Variants in TPMT observed in about 807,000 individuals in gnomAD.
TPMT encodes thiopurine S-methyltransferase, also known as S-adenosyl-L-methionine:thiopurine S-methyltransferase.
In TPMT, 18 loss-of-function variants were observed where a neutral mutation model predicts 34.2. The observed-to-expected ratio is 0.53, with a 90% CI of 0.36 to 0.78. TPMT has a LOEUF of 0.78. Ranked by LOEUF, TPMT falls within the 30% of genes least tolerant of loss-of-function variation. The probability of loss-of-function intolerance (pLI) is 0.00; values close to 1 mark genes in which losing one functional copy is unlikely to be tolerated. For missense variants in TPMT, 265 were observed against 288.1 expected (o/e 0.92, Z 0.58); for synonymous variants, 69 against 92.4 (o/e 0.75, Z 1.45).
rs1784046630 is a variant in TPMT at position 18,136,671 on chromosome 6, G to C, written c.494+2292C>G. 6.6e-6 allele frequency among the ~76,000 whole-genome samples: 1 copy of C among 152,178 alleles called. No individual in the cohort carries two copies. Among genetic ancestry groups the C allele is most frequent in the South Asian group, 2.1e-4 (1 of 4,838 alleles). On this transcript the variant is annotated intron_variant, in intron 6 of 8. Transcript: ENST00000309983. The surrounding 1 kb of genome is among the most constrained non-coding windows in gnomAD (Gnocchi z 4.7). ...AAAAATACAAAAAAATTAGCCGGGT[G>C]TGGTGGAGCATGCCTATAATCCCAG...
At chr6:18,137,822 G>A (rs950420437) in intron 6 of TPMT, among the ~76,000 whole-genome samples, 1 of 152,188 alleles carries the variant, frequency 6.6e-6, no homozygotes, top group Non-Finnish European at 1.5e-5. Flanking sequence ...GGTCGCTCTT[G>A]TCGTCCAGGC....
Position 18,139,011 on chromosome 6 carries a change from A to G in TPMT, c.446T>C (p.Ile149Thr), listed in dbSNP as rs1310627040. The G allele has an allele frequency of 5.0e-6, 8 of 1,613,722 alleles. No homozygotes were observed. The Admixed American group carries it at 1.0e-4, about 20-fold the overall frequency. The change falls in exon 6 of 9, where the codon ATT (isoleucine) becomes ACT (threonine). Residue 149 changes from isoleucine (I) to threonine (T), a missense_variant. Coordinates refer to ENST00000309983, the MANE Select transcript of TPMT (RefSeq NM_000367.5). This position sits in a 1 kb window ranked among gnomAD's most constrained non-coding sequence, Gnocchi z 4.2. ...GGCAACTAATGCTCCTCTATCCCAA[A>G]TCATGTCAAATTTGCCAATATTTGT... The part of the protein sequence containing the change: ...PRTNIGKFDM[I>T]WDRGALVAIN...
Position 18,139,802 on chromosome 6 carries a change from A to C in TPMT, c.367-85T>G, listed in dbSNP as rs1784110586. 1.2e-6 allele frequency: 1 copy of C among 854,074 alleles called. No homozygotes were observed. Among genetic ancestry groups the C allele is most frequent in the Non-Finnish European group, 1.9e-6 (1 of 528,496 alleles). 52.9% of individuals were successfully genotyped at this position (854,074 alleles called of 1,614,324 possible). ...CAAGGAAAGAGGGCCAAGCAAAGCA[A>C]AAGTTCTAGGGAAAGAATGTGTTAA... is the stretch of plus-strand genomic sequence containing the variant. On this transcript the variant is annotated intron_variant, in intron 4 of 8. Coordinates refer to ENST00000309983, the MANE Select transcript of TPMT (RefSeq NM_000367.5). The surrounding 1 kb of genome is among the most constrained non-coding windows in gnomAD (Gnocchi z 4.2).
rs966632988 is a variant in TPMT at position 18,131,750 on chromosome 6, C to G, written c.625+383G>C. 2.0e-5 allele frequency among the ~76,000 whole-genome samples: 3 copies of G among 151,954 alleles called. No individual in the cohort carries two copies. Among genetic ancestry groups the G allele is most frequent in the Non-Finnish European group, 4.4e-5 (3 of 67,980 alleles). ...TTATCTTTTAAATTTTATAGACATA[C>G]TCTAGATACTAATATACTAATAGTT... On this transcript the variant is annotated intron_variant, in intron 8 of 8. Transcript: ENST00000309983. This position sits in a 1 kb window ranked among gnomAD's most constrained non-coding sequence, Gnocchi z 4.3.
rs1784174116 is a variant in TPMT, at chr6:18,143,047, C to T, written c.366+549G>A. The stretch of plus-strand genomic sequence containing the variant: ...ATGGGTGATTTAAGTAGTATCTTCC[C>T]GAGGTGTCCAAGACCATGGACCCAG... On this transcript the variant is annotated intron_variant, in intron 4 of 8. Coordinates refer to ENST00000309983, the MANE Select transcript of TPMT (RefSeq NM_000367.5). This position sits in a 1 kb window ranked among gnomAD's most constrained non-coding sequence, Gnocchi z 6.1. Among the ~76,000 whole-genome samples the T allele has an allele frequency of 6.6e-6, 1 of 152,214 alleles. No homozygotes were observed. Among genetic ancestry groups the T allele is most frequent in the East Asian group, 1.9e-4 (1 of 5,160 alleles).
rs1783963329 is a variant in TPMT, at chr6:18,132,388, C to T, written c.581-211G>A. Among the ~76,000 whole-genome samples the T allele has an allele frequency of 6.6e-6, 1 of 152,176 alleles. No homozygotes were observed. The highest frequency in any genetic ancestry group is 2.4e-5 in the African/African-American group (1 of 41,440). On this transcript the variant is annotated intron_variant, in intron 7 of 8. Coordinates refer to ENST00000309983, the MANE Select transcript of TPMT (RefSeq NM_000367.5). This position sits in a 1 kb window ranked among gnomAD's most constrained non-coding sequence, Gnocchi z 4.8. ...TCCATCTTTAGCTTAGATGAGACAG[C>T]TAAACCGGTCAAGGGACTTAGGCTC... is the stretch of plus-strand genomic sequence containing the variant.
Position 18,140,607 on chromosome 6 carries a change from C to T in TPMT, c.367-890G>A, listed in dbSNP as rs1329341611. On this transcript the variant is annotated intron_variant, in intron 4 of 8. Transcript: ENST00000309983. The surrounding 1 kb of genome is among the most constrained non-coding windows in gnomAD (Gnocchi z 4.7). ...GCTGACATGCGAGGGTCACTTGAGC[C>T]TGGGAGGTCAAGGCTGCAGTGAGCT... is the stretch of plus-strand genomic sequence containing the variant. 6.6e-6 allele frequency among the ~76,000 whole-genome samples: 1 copy of T among 152,170 alleles called. No homozygotes were observed. The highest frequency in any genetic ancestry group is 1.5e-5 in the Non-Finnish European group (1 of 68,036).
In TPMT at chr6:18,153,024, C is replaced by A. The variant is rs536538858; in HGVS notation, c.-45+2009G>T. On this transcript the variant is annotated intron_variant, in intron 1 of 8. Transcript: ENST00000309983. The surrounding 1 kb of genome is among the most constrained non-coding windows in gnomAD (Gnocchi z 4.2). ...TGTGGTAACACCGCCATTTTTTGTGCATGGTACCCATGAAGCTCAATTACT... is the reference window on the plus strand; with the variant it reads ...TGTGGTAACACCGCCATTTTTTGTGAATGGTACCCATGAAGCTCAATTACT... Among the ~76,000 whole-genome samples the A allele has an allele frequency of 1.3e-5, 2 of 152,196 alleles. No homozygotes were observed. The highest frequency in any genetic ancestry group is 2.9e-5 in the Non-Finnish European group (2 of 68,042).
rs538838775 is a variant in TPMT at position 18,130,878 on chromosome 6, C to T, written c.626-98G>A. On this transcript the variant is annotated intron_variant, in intron 8 of 8. Transcript: ENST00000309983. This position sits in a 1 kb window ranked among gnomAD's most constrained non-coding sequence, Gnocchi z 4.2. ...AATTGGCTGGGTGCGGTGGCTCACA[C>T]CTGTAATCCCAACACTTTGGGAGGC... 33 of 933,706 alleles carry T rather than the reference C, an allele frequency of 3.5e-5. No homozygotes were observed. The highest frequency in any genetic ancestry group is 5.1e-5 in the Non-Finnish European group (30 of 585,634). 57.8% of individuals were successfully genotyped at this position (933,706 alleles called of 1,614,324 possible).
rs1784048669 is a variant in TPMT at position 18,136,791 on chromosome 6, CA to C, written c.494+2171del. Among the ~76,000 whole-genome samples the C allele has an allele frequency of 6.6e-6, 1 of 151,902 alleles. No homozygotes were observed. Among genetic ancestry groups the C allele is most frequent in the Non-Finnish European group, 1.5e-5 (1 of 68,020 alleles). On this transcript the variant is annotated intron_variant, in intron 6 of 8. Transcript: ENST00000309983. The surrounding 1 kb of genome is among the most constrained non-coding windows in gnomAD (Gnocchi z 4.7). ...TGCCATTGCACTCCAGCCTGGGCAA[CA>C]AGAGCGAAACTCTGTCTCGAAAAAA...
At position 18,138,279 on chromosome 6, in the gene TPMT, T is replaced by A. The variant is rs63127260; in HGVS notation, c.494+684A>T. On this transcript the variant is annotated intron_variant, in intron 6 of 8. Coordinates refer to ENST00000309983, the MANE Select transcript of TPMT (RefSeq NM_000367.5). This position sits in a 1 kb window ranked among gnomAD's most constrained non-coding sequence, Gnocchi z 4.1. ...TGATTTTTTTGTTTTTTTTTTTTTT[T>A]AAATATTTTACAGACAAGGTCTTGC... Among the ~76,000 whole-genome samples the A allele has an allele frequency of 0.037, 4,868 of 130,818 alleles. 104 individuals carry two copies. The highest frequency in any genetic ancestry group is 0.071 in the South Asian group (301 of 4,236). 85.8% of individuals were successfully genotyped at this position (130,818 alleles called of 152,430 possible).
At chr6:18,152,210 C>T (rs1784366087) in intron 1 of TPMT, among the ~76,000 whole-genome samples, 1 of 152,170 alleles carries the variant, frequency 6.6e-6, no homozygotes, top group South Asian at 2.1e-4. Flanking sequence ...CTGGGCTGCT[C>T]AATGGCTTTT....
chr6:18,146,624 G>A lies in TPMT; in HGVS notation c.233+1199C>T, dbSNP rs1415555092. Among the ~76,000 whole-genome samples the A allele has an allele frequency of 1.3e-5, 2 of 152,104 alleles. No individual in the cohort carries two copies. Among genetic ancestry groups the A allele is most frequent in the Non-Finnish European group, 2.9e-5 (2 of 68,022 alleles). The stretch of plus-strand genomic sequence containing the variant: ...GTACTACATTGTTACCATTTATGGT[G>A]ACATCACATGACAATCTGTTTATAG... On this transcript the variant is annotated intron_variant, in intron 3 of 8. Coordinates refer to ENST00000309983, the MANE Select transcript of TPMT (RefSeq NM_000367.5). The surrounding 1 kb of genome is among the most constrained non-coding windows in gnomAD (Gnocchi z 6.2).
In TPMT at chr6:18,143,522, T is replaced by C; in HGVS notation, c.366+74A>G. The C allele has an allele frequency of 6.3e-7, 1 of 1,577,082 alleles. No homozygotes were observed. Among genetic ancestry groups the C allele is most frequent in the East Asian group, 2.2e-5 (1 of 44,562 alleles). On this transcript the variant is annotated intron_variant, in intron 4 of 8. Coordinates refer to ENST00000309983, the MANE Select transcript of TPMT (RefSeq NM_000367.5). The surrounding 1 kb of genome is among the most constrained non-coding windows in gnomAD (Gnocchi z 6.1). ...GGAACCATCGGACACATGAATGGTATCCTCATAATACTCACACTGAGAAAA... is the reference window on the plus strand; with the variant it reads ...GGAACCATCGGACACATGAATGGTACCCTCATAATACTCACACTGAGAAAA...
Position 18,153,668 on chromosome 6 carries a change from ACT to A in TPMT, c.-45+1363_-45+1364del, listed in dbSNP as rs1371909097. On this transcript the variant is annotated intron_variant, in intron 1 of 8. Transcript: ENST00000309983. The surrounding 1 kb of genome is among the most constrained non-coding windows in gnomAD (Gnocchi z 4.2). ...AAGACCCTGATGGTATCAGGAGGTGACTCTGAGTTTTCTGAGAGGTCAGTAGA... is the reference window on the plus strand; with the variant it reads ...AAGACCCTGATGGTATCAGGAGGTGACTGAGTTTTCTGAGAGGTCAGTAGA... Among the ~76,000 whole-genome samples the A allele has an allele frequency of 6.6e-6, 1 of 152,170 alleles. No homozygotes were observed. Among genetic ancestry groups the A allele is most frequent in the East Asian group, 1.9e-4 (1 of 5,200 alleles).
rs932737681 is a variant in TPMT, at chr6:18,140,933, G to T, written c.367-1216C>A. Among the ~76,000 whole-genome samples, 1 of 152,090 alleles carries T rather than the reference G, an allele frequency of 6.6e-6. No homozygotes were observed. The highest frequency in any genetic ancestry group is 1.5e-5 in the Non-Finnish European group (1 of 68,030). On this transcript the variant is annotated intron_variant, in intron 4 of 8. Transcript: ENST00000309983. The surrounding 1 kb of genome is among the most constrained non-coding windows in gnomAD (Gnocchi z 4.7). Reference sequence around the variant, plus strand: ...ATTCTGAAATGAGGTCCCCACACAGGTTTACAAGTAGAGGAGGAAGGGTCT... The same window carrying T: ...ATTCTGAAATGAGGTCCCCACACAGTTTTACAAGTAGAGGAGGAAGGGTCT...
In TPMT at chr6:18,128,660, C is replaced by G. The variant is rs183894137; in HGVS notation, c.*2008G>C. On this transcript the variant is annotated 3_prime_UTR_variant, in exon 9 of 9. Transcript: ENST00000309983. This position sits in a 1 kb window ranked among gnomAD's most constrained non-coding sequence, Gnocchi z 4.6. ...CATGTGCTGGAATGTGGCTGCCCCA[C>G]AGCTCCCAGGCGTACACAGATTCCC... 7.9e-5 allele frequency: 12 copies of G among 152,438 alleles called. No individual in the cohort carries two copies. In the East Asian group the frequency reaches 2.1e-3, roughly 27 times the overall value. 9.4% of individuals were successfully genotyped at this position (152,438 alleles called of 1,614,324 possible).
chr6:18,154,069 C>G lies in TPMT; in HGVS notation c.-45+964G>C, dbSNP rs1784417893. 1.3e-5 allele frequency among the ~76,000 whole-genome samples: 2 copies of G among 152,144 alleles called. No homozygotes were observed. Among genetic ancestry groups the G allele is most frequent in the Non-Finnish European group, 2.9e-5 (2 of 68,038 alleles). ...AGTACCTGGGACTATAAGGGTGCAC[C>G]ACCATGCCTGGCTAATTTTTAAATA... On this transcript the variant is annotated intron_variant, in intron 1 of 8. Coordinates refer to ENST00000309983, the MANE Select transcript of TPMT (RefSeq NM_000367.5). This position sits in a 1 kb window ranked among gnomAD's most constrained non-coding sequence, Gnocchi z 4.2.
chr6:18,144,398 G>A (rs182498118), intron 3 of TPMT, among the ~76,000 whole-genome samples: 174 of 151,946 alleles, frequency 1.1e-3, no homozygotes, highest in Non-Finnish European at 2.0e-3. Context: ...TTTTTGAGAC[G>A]GAGTCTCACT....
Sources: gnomAD v4.1 joint callset for allele counts (sites outside exome capture counted in the v4.1 genomes callset) on GRCh38, gnomAD v4.1.1 for gene constraint, Gnocchi (gnomAD v3.1) non-coding constraint, MANE v1.5 for transcripts, NCBI Gene and HGNC (gene_info 2026-07-23, HGNC 2026-07-21) for gene names.